VRTN: variants seen among roughly 807,000 people sequenced by gnomAD.
The protein encoded by VRTN is vertnin.
In VRTN, 5 loss-of-function variants were observed where a neutral mutation model predicts 18.2. The observed-to-expected ratio is 0.27, with a 90% CI of 0.14 to 0.58. The LOEUF (loss-of-function observed/expected upper bound fraction) is 0.58. Among genes scored for constraint, VRTN ranks in the 20% least tolerant of loss-of-function variants. VRTN has a pLI of 0.91. For missense variants in VRTN, 741 were observed against 939.4 expected (o/e 0.79, Z 2.76); for synonymous variants, 381 against 393.7 (o/e 0.97, Z 0.38).
At chr14:74,350,221 G>A (rs1039251141) in intron 1 of VRTN, among the ~76,000 whole-genome samples, 3 of 152,118 alleles carry the variant, frequency 2.0e-5, no homozygotes, top group Admixed American at 6.6e-5. Context: ...TCTGGTGGGC[G>A]AATCCATCTG....
intron 1 of VRTN, among the ~76,000 whole-genome samples, chr14:74,349,416 G>C (rs754455921): frequency 5.9e-5 from 9 of 152,240 alleles, no homozygotes; most frequent in Non-Finnish European, 1.3e-4. Flanking sequence ...GGCTGGGTGA[G>C]GAGCCAGCCA....
At chr14:74,347,149 C>T (rs1595173406), upstream of VRTN, among the ~76,000 whole-genome samples, 1 of 152,184 alleles carries the variant, frequency 6.6e-6, no homozygotes, top group Non-Finnish European at 1.5e-5. Flanking sequence ...TTTATCATCT[C>T]GTGGAATTTA....
upstream of VRTN, among the ~76,000 whole-genome samples, chr14:74,346,681 C>T (rs78008651): frequency 0.043 from 6,532 of 152,230 alleles, 454 homozygotes; most frequent in African/African-American, 0.15. Context: ...GAGATGTTAA[C>T]AATAGCTGTC....
chr14:74,320,898 TAAAAAAAAAAAA>T (rs766559301), intron 1 of VRTN, among the ~76,000 whole-genome samples: 1 of 83,590 alleles, frequency 1.2e-5, no homozygotes, highest in East Asian at 3.3e-4. Flanking sequence ...CCCATCTCTT[TAAAAAAAAAAAA>T]AAAAAAAAAA....
upstream of VRTN, among the ~76,000 whole-genome samples, chr14:74,345,084 G>A (rs1282044799): frequency 6.6e-6 from 1 of 152,060 alleles, no homozygotes; most frequent in South Asian, 2.1e-4. Flanking sequence ...GTCTTGCTCT[G>A]TTGCTCAAGC....
rs1191578616 is a variant in VRTN at position 74,358,605 on chromosome 14, G to A, written c.1822G>A (p.Ala608Thr). The change falls in exon 2 of 2, where the codon GCC becomes ACC. Residue 608 changes from alanine (A) to threonine (T), a missense_variant. Physicochemically the swap from Ala to Thr is moderately conservative, Grantham distance 58 (BLOSUM62 0). Coordinates refer to ENST00000256362, the MANE Select transcript of VRTN (RefSeq NM_018228.3). The surrounding 1 kb of genome is among the most constrained non-coding windows in gnomAD (Gnocchi z 5.4). The part of the protein sequence containing the change: ...DVEGGPSREG[A>T]LQEGATAQGQ... ...AGAGGGAGGGCCTTCCAGAGAGGGGGCCCTGCAGGAGGGGGCCACAGCCCA... is the reference window on the plus strand; with the variant it reads ...AGAGGGAGGGCCTTCCAGAGAGGGGACCCTGCAGGAGGGGGCCACAGCCCA... The A allele has an allele frequency of 4.4e-6, 7 of 1,600,016 alleles. No individual in the cohort carries two copies. Among genetic ancestry groups the A allele is most frequent in the Admixed American group, 1.7e-5 (1 of 58,834 alleles).
At chr14:74,340,269 CG>C (rs1241428217) in intron 2 of VRTN, among the ~76,000 whole-genome samples, 1 of 152,158 alleles carries the variant, frequency 6.6e-6, no homozygotes, top group East Asian at 1.9e-4. Context: ...TGTGCCACCA[CG>C]CCCGGCTAAT....
intron 1 of VRTN, among the ~76,000 whole-genome samples, chr14:74,322,148 C>T (rs2140197307): frequency 6.8e-6 from 1 of 147,210 alleles, no homozygotes; most frequent in Non-Finnish European, 1.5e-5. Flanking sequence ...GCCCGGCTCC[C>T]CATATTTTTT....
chr14:74,317,076 CTTTA>C (rs1199722454), intron 1 of VRTN, among the ~76,000 whole-genome samples: 1 of 152,092 alleles, frequency 6.6e-6, no homozygotes, highest in South Asian at 2.1e-4. Flanking sequence ...AAATTTGAAT[CTTTA>C]TTGTTACAGG....
chr14:74,347,197 A>G (rs575713698), upstream of VRTN, among the ~76,000 whole-genome samples: 1 of 152,298 alleles, frequency 6.6e-6, no homozygotes, highest in East Asian at 1.9e-4. Flanking sequence ...TACCCCATTA[A>G]CCACAAAGTC....
chr14:74,336,428 C>T (rs1006716426), intron 1 of VRTN, among the ~76,000 whole-genome samples: 3 of 151,594 alleles, frequency 2.0e-5, no homozygotes, highest in African/African-American at 7.3e-5. Context: ...CGCCTCTTTC[C>T]ACAAACCTCT....
chr14:74,321,082 G>C (rs535827481), intron 1 of VRTN, among the ~76,000 whole-genome samples: 3 of 152,066 alleles, frequency 2.0e-5, no homozygotes, highest in African/African-American at 7.2e-5. Context: ...GAAACAGGAA[G>C]GTGAGAAAAT....
At chr14:74,345,066 G>A (rs573953720), upstream of VRTN, among the ~76,000 whole-genome samples, 1 of 151,702 alleles carries the variant, frequency 6.6e-6, no homozygotes, top group African/African-American at 2.4e-5. Flanking sequence ...TTATTTTTTT[G>A]AGACAAGGTC....
chr14:74,348,940 C>A (rs1037616126), intron 1 of VRTN, among the ~76,000 whole-genome samples: 3 of 150,254 alleles, frequency 2.0e-5, no homozygotes, highest in Non-Finnish European at 3.0e-5. Flanking sequence ...GGTCTGGCCT[C>A]GGTCCCTCCC....
intron 1 of VRTN, among the ~76,000 whole-genome samples, chr14:74,328,245 A>G (rs2085499960): frequency 6.6e-6 from 1 of 151,708 alleles, no homozygotes; most frequent in Non-Finnish European, 1.5e-5. Flanking sequence ...GAGAAGCCAC[A>G]ATAGAGCTGT....
intron 1 of VRTN, among the ~76,000 whole-genome samples, chr14:74,331,768 C>G (rs776165450): frequency 1.3e-5 from 2 of 150,704 alleles, no homozygotes; most frequent in East Asian, 2.2e-4. Flanking sequence ...ATGCCTTTCA[C>G]GCAGACATTG....
chr14:74,316,032 C>G (rs1304397584), intron 1 of VRTN, among the ~76,000 whole-genome samples: 1 of 152,150 alleles, frequency 6.6e-6, no homozygotes, highest in Non-Finnish European at 1.5e-5. Context: ...AGGCAATTCT[C>G]AAAGGAGCTG....
chr14:74,314,450 G>A lies in VRTN; in HGVS notation c.-164+11274G>A, dbSNP rs184652340. On this transcript the variant is annotated intron_variant, in intron 1 of 2. Transcript: ENST00000557177. ...CTCACACTGTGGCCCAGGCTGGAGTGCAGTGGCACAATCTCGGCTCACTGC... is the reference window on the plus strand; with the variant it reads ...CTCACACTGTGGCCCAGGCTGGAGTACAGTGGCACAATCTCGGCTCACTGC... Among the ~76,000 whole-genome samples, 250 of 140,360 alleles carry A rather than the reference G, an allele frequency of 1.8e-3. 1 individual carries two copies. The highest frequency in any genetic ancestry group is 6.3e-3 in the African/African-American group (232 of 36,882). 92.1% of individuals were successfully genotyped at this position (140,360 alleles called of 152,430 possible).
chr14:74,308,999 A>T (rs2085372023), intron 1 of VRTN, among the ~76,000 whole-genome samples: 2 of 151,990 alleles, frequency 1.3e-5, no homozygotes, highest in Admixed American at 6.6e-5. Context: ...AGTAGCTGGG[A>T]TTACAGGCTT....
Sources: allele counts gnomAD v4.1 joint callset (sites outside exome capture counted in the v4.1 genomes callset), GRCh38; gene constraint gnomAD v4.1.1; non-coding constraint Gnocchi (gnomAD v3.1); transcripts MANE v1.5; gene names NCBI Gene and HGNC (gene_info 2026-07-23, HGNC 2026-07-21).